DCDC1: variants seen among roughly 807,000 people sequenced by gnomAD.
DCDC1 encodes the protein doublecortin domain containing 1, also known as doublecortin domain-containing protein 1.
Under a neutral mutation model 178.3 loss-of-function variants are expected in DCDC1, and 200 were observed. The ratio of observed to expected loss-of-function variants is 1.12; its 90% CI spans 1.00 to 1.26. DCDC1 has a LOEUF of 1.26. DCDC1 is among the 50% of genes most tolerant of loss of function. DCDC1 has a pLI of 0.00. For missense variants in DCDC1, 1,983 were observed against 1,749.2 expected, an observed-to-expected ratio of 1.13 and a Z score of -2.38; for synonymous variants, 690 against 604.8, an observed-to-expected ratio of 1.14 and a Z score of -2.07.
intron 9 of DCDC1, among the ~76,000 whole-genome samples, chr11:31,234,545 C>T (rs959184081): frequency 2.0e-5 from 3 of 152,152 alleles, no homozygotes; most frequent in Non-Finnish European, 1.5e-5. Flanking sequence ...ATTGACAACA[C>T]TGATCCATTT....
chr11:31,332,977 G>A (rs1591788188), intron 2 of DCDC1, among the ~76,000 whole-genome samples: 1 of 152,160 alleles, frequency 6.6e-6, no homozygotes, highest in South Asian at 2.1e-4. Context: ...TACTGACAGT[G>A]GGGTGTTAAA....
intron 13 of DCDC1, among the ~76,000 whole-genome samples, chr11:31,105,065 C>G (rs897069392): frequency 6.6e-6 from 1 of 152,038 alleles, no homozygotes; most frequent in Non-Finnish European, 1.5e-5. Context: ...TTACTTAACA[C>G]GTATTGCACA....
At chr11:30,967,974 G>A (rs1565134287) in intron 20 of DCDC1, among the ~76,000 whole-genome samples, 4 of 152,142 alleles carry the variant, frequency 2.6e-5, no homozygotes, top group Admixed American at 6.6e-5. Flanking sequence ...TTAGTAGGAA[G>A]TCCACAAATG....
At position 31,091,588 on chromosome 11, in the gene DCDC1, A is replaced by T. The variant is rs952112998; in HGVS notation, c.2119-77T>A. ...GAAAATTCAACAATGTGTCACAAATAGTGAGGTCATTATGCCTGGATAACC... is the reference window on the plus strand; with the variant it reads ...GAAAATTCAACAATGTGTCACAAATTGTGAGGTCATTATGCCTGGATAACC... On this transcript the variant is annotated intron_variant, in intron 16 of 38. Transcript: ENST00000684477. The T allele has an allele frequency of 4.1e-5, 28 of 687,944 alleles. No individual in the cohort carries two copies. The South Asian group carries it at 4.3e-4, about 11-fold the overall frequency. The allele number at this position is 687,944 out of a possible 1,614,324, so 42.6% of individuals were successfully genotyped here. A position where few individuals can be genotyped will look rare whatever the true frequency, so the allele number is the denominator to read the frequency against.
chr11:31,144,375 G>A (rs2136049040), intron 9 of DCDC1, among the ~76,000 whole-genome samples: 1 of 152,162 alleles, frequency 6.6e-6, no homozygotes, highest in African/African-American at 2.4e-5. Flanking sequence ...CTGAGCAGGT[G>A]ATCCACCAGC....
intron 11 of DCDC1, among the ~76,000 whole-genome samples, chr11:31,120,655 A>G (rs1280685691): frequency 6.6e-6 from 1 of 152,106 alleles, no homozygotes; most frequent in East Asian, 1.9e-4. Flanking sequence ...TCAGAGCATC[A>G]CTGACCAATT....
At chr11:31,274,789 C>G (rs1024075912) in intron 7 of DCDC1, among the ~76,000 whole-genome samples, 14 of 151,472 alleles carry the variant, frequency 9.2e-5, no homozygotes, top group African/African-American at 3.4e-4. Flanking sequence ...AAACATCTGC[C>G]TCCCAGGTTC....
intron 9 of DCDC1, among the ~76,000 whole-genome samples, chr11:31,229,677 A>C (rs1975508828): frequency 6.6e-6 from 1 of 152,172 alleles, no homozygotes; most frequent in Non-Finnish European, 1.5e-5. Flanking sequence ...AGGGCCAATG[A>C]CCAATTGGCA....
At chr11:31,066,313 G>A (rs934556268) in intron 18 of DCDC1, among the ~76,000 whole-genome samples, 4 of 152,050 alleles carry the variant, frequency 2.6e-5, no homozygotes, top group Non-Finnish European at 5.9e-5. Flanking sequence ...CTTTGCAATG[G>A]GTACTATTAT....
intron 9 of DCDC1, among the ~76,000 whole-genome samples, chr11:31,217,519 A>C (rs2136633197): frequency 6.6e-6 from 1 of 152,270 alleles, no homozygotes; most frequent in East Asian, 1.9e-4. Flanking sequence ...TTAGACATAA[A>C]ATAGAAAACT....
In DCDC1 at chr11:31,051,764, C is replaced by G. The variant is rs549541847; in HGVS notation, c.2591+12705G>C. On this transcript the variant is annotated intron_variant, in intron 20 of 38. Transcript: ENST00000684477. ...GAGAAAAGATATAGTCGTTTTCAGA[C>G]AAACAAATGGTGAGAGAATTCGCCA... is the stretch of plus-strand genomic sequence containing the variant. Among the ~76,000 whole-genome samples, 12 of 152,176 alleles carry G rather than the reference C, an allele frequency of 7.9e-5. No homozygotes were observed. In the South Asian group the frequency reaches 2.5e-3, roughly 32 times the overall value.
rs1406010175 is a variant in DCDC1 at position 30,906,702 on chromosome 11, A to T, written c.3942T>A (p.Asp1314Glu). The T allele has an allele frequency of 6.2e-7, 1 of 1,613,284 alleles. No homozygotes were observed. Among genetic ancestry groups the T allele is most frequent in the Non-Finnish European group, 8.5e-7 (1 of 1,179,622 alleles). The change falls in exon 30 of 39, where the codon GAT becomes GAA. Residue 1314 changes from aspartate (D) to glutamate (E), a missense_variant. Coordinates refer to ENST00000684477, the MANE Select transcript of DCDC1 (RefSeq NM_001387274.1). ...DQPGYCYLSPDGKRKTMLCLA... is the reference protein window; with the variant it reads ...DQPGYCYLSPEGKRKTMLCLA... ...AGCAGAGCATAGTTTTTCTCTTTCCATCAGGTGAGAGATAACAGTATCCCT... is the reference window on the plus strand; with the variant it reads ...AGCAGAGCATAGTTTTTCTCTTTCCTTCAGGTGAGAGATAACAGTATCCCT...
chr11:31,004,922 G>A (rs1414873492), intron 20 of DCDC1, among the ~76,000 whole-genome samples: 1 of 152,040 alleles, frequency 6.6e-6, no homozygotes, highest in Non-Finnish European at 1.5e-5. Context: ...TTGAATGTAT[G>A]ATTGCTACTT....
chr11:30,891,070 G>A (rs1484913592), intron 36 of DCDC1, among the ~76,000 whole-genome samples: 3 of 152,112 alleles, frequency 2.0e-5, no homozygotes, highest in Non-Finnish European at 4.4e-5. Flanking sequence ...TGTACTTCCA[G>A]AGTGCCCATT....
intron 2 of DCDC1, among the ~76,000 whole-genome samples, chr11:31,329,734 C>A (rs572197782): frequency 1.1e-4 from 16 of 152,114 alleles, no homozygotes; most frequent in Non-Finnish European, 2.1e-4. Flanking sequence ...TGAACTCATC[C>A]TTTTTTATGG....
chr11:30,938,657 C>T (rs1473547115), intron 21 of DCDC1, among the ~76,000 whole-genome samples: 1 of 152,140 alleles, frequency 6.6e-6, no homozygotes, highest in African/African-American at 2.4e-5. Context: ...AGAATTAAAG[C>T]TTGGCACACC....
At chr11:31,289,070 A>G (rs993711284) in intron 7 of DCDC1, among the ~76,000 whole-genome samples, 8 of 152,024 alleles carry the variant, frequency 5.3e-5, no homozygotes, top group Admixed American at 5.2e-4. Context: ...TAAGCTAAAG[A>G]CTTCATTGAT....
intron 27 of DCDC1, among the ~76,000 whole-genome samples, chr11:30,913,877 A>G (rs947547630): frequency 6.6e-5 from 10 of 152,192 alleles, no homozygotes; most frequent in African/African-American, 2.4e-4. Flanking sequence ...TTCCCCATGC[A>G]TGTCCACCCA....
At chr11:30,898,883 A>T (rs273562) in intron 34 of DCDC1, among the ~76,000 whole-genome samples, 95,380 of 151,862 alleles carry the variant, frequency 0.63, 30,615 homozygotes, top group Middle Eastern at 0.8. Context: ...TCCTTCCTAG[A>T]CTCAAGTCCA....
Sources: gnomAD v4.1 joint callset for allele counts (sites outside exome capture counted in the v4.1 genomes callset) on GRCh38, gnomAD v4.1.1 for gene constraint, MANE v1.5 for transcripts, NCBI Gene and HGNC (gene_info 2026-07-23, HGNC 2026-07-21) for gene names.